Variants in RARB observed in about 807,000 individuals in gnomAD.
The protein encoded by RARB is retinoic acid receptor beta.
A neutral mutation model predicts 51.9 loss-of-function variants in RARB; 17 were observed. The ratio of observed to expected loss-of-function variants is 0.33; its 90% CI spans 0.22 to 0.49. The LOEUF (loss-of-function observed/expected upper bound fraction) is 0.49. RARB is among the 20% of genes least tolerant of loss of function. The pLI is 0.99. For missense variants in RARB, 369 were observed against 550.8 expected (o/e 0.67, Z 3.30); for synonymous variants, 215 against 195.4 (o/e 1.10, Z -0.84).
intron 5 of RARB, among the ~76,000 whole-genome samples, chr3:25,417,667 A>C (rs1202556406): frequency 2.0e-5 from 3 of 152,226 alleles, no homozygotes; most frequent in Non-Finnish European, 2.9e-5. Context: ...TAAATTGCCC[A>C]GTCTCAGGTA....
intron 5 of RARB, among the ~76,000 whole-genome samples, chr3:25,275,071 T>C (rs1318268380): frequency 6.6e-6 from 1 of 152,202 alleles, no homozygotes; most frequent in Non-Finnish European, 1.5e-5. Flanking sequence ...GGCCCCATGC[T>C]CTTATGTGCT....
At chr3:25,393,369 T>C (rs900139420) in intron 5 of RARB, among the ~76,000 whole-genome samples, 4 of 151,952 alleles carry the variant, frequency 2.6e-5, no homozygotes, top group African/African-American at 9.7e-5. Flanking sequence ...TTATGTCCTT[T>C]ACTGGTTTGG....
intron 5 of RARB, among the ~76,000 whole-genome samples, chr3:25,198,727 A>G (rs1701309143): frequency 6.6e-6 from 1 of 152,152 alleles, no homozygotes; most frequent in South Asian, 2.1e-4. Context: ...TGCAAATCAA[A>G]ACTACAATGC....
chr3:24,951,421 A>G (rs935463835), intron 2 of RARB, among the ~76,000 whole-genome samples: 1 of 152,208 alleles, frequency 6.6e-6, no homozygotes, highest in Non-Finnish European at 1.5e-5. Context: ...GTCTTAGGGC[A>G]TCGGACACTC....
intron 5 of RARB, among the ~76,000 whole-genome samples, chr3:25,338,422 A>G (rs1705128489): frequency 6.6e-6 from 1 of 152,176 alleles, no homozygotes; most frequent in East Asian, 1.9e-4. Context: ...GTGAAGAGAA[A>G]CAGAGAGACA....
At chr3:25,195,475 G>A (rs1026841713) in intron 5 of RARB, among the ~76,000 whole-genome samples, 10 of 152,104 alleles carry the variant, frequency 6.6e-5, no homozygotes, top group Middle Eastern at 3.4e-3. Context: ...CGTGACGTCA[G>A]CTTGGAGATC....
intron 5 of RARB, among the ~76,000 whole-genome samples, chr3:25,285,853 C>T (rs1703637559): frequency 6.6e-6 from 1 of 152,182 alleles, no homozygotes; most frequent in Non-Finnish European, 1.5e-5. Flanking sequence ...ACTTGGCTTT[C>T]TCTTTCTCTG....
At position 24,990,161 on chromosome 3, in the gene RARB, C is replaced by CT. The variant is rs1254070475; in HGVS notation, c.-379-69957dup. On this transcript the variant is annotated intron_variant, in intron 2 of 11. Coordinates refer to the RARB transcript ENST00000383772. Reference sequence around the variant, plus strand: ...TTGTTATTTCACTATTGTTTATTTTCTTTTTTTCTTCTTCTTTTTTTATTA... The same window carrying CT: ...TTGTTATTTCACTATTGTTTATTTTCTTTTTTTTCTTCTTCTTTTTTTATTA... 4.0e-5 allele frequency among the ~76,000 whole-genome samples: 4 copies of CT among 100,284 alleles called. 1 individual carries two copies. The highest frequency in any genetic ancestry group is 7.9e-5 in the Non-Finnish European group (4 of 50,514). The allele number at this position is 100,284 out of a possible 152,430, so 65.8% of individuals were successfully genotyped here.
At position 24,930,338 on chromosome 3, in the gene RARB, C is replaced by T. The variant is rs115774310; in HGVS notation, c.-380+71586C>T. On this transcript the variant is annotated intron_variant, in intron 2 of 11. Transcript: ENST00000383772. ...GATGCATCCAGGGGCGTAAGCTTTA[C>T]CACCATTAACTGCGTTTGTGAGTGC... Among the ~76,000 whole-genome samples, 293 of 152,128 alleles carry T rather than the reference C, an allele frequency of 1.9e-3. 1 individual carries two copies. The highest frequency in any genetic ancestry group is 6.2e-3 in the African/African-American group (258 of 41,520).
chr3:24,987,685 A>G (rs1407333030), intron 2 of RARB, among the ~76,000 whole-genome samples: 1 of 152,224 alleles, frequency 6.6e-6, no homozygotes, highest in Non-Finnish European at 1.5e-5. Context: ...CCTGGTGGAA[A>G]AAGATGATTT....
At chr3:24,871,704 A>G (rs1702951635) in intron 2 of RARB, among the ~76,000 whole-genome samples, 1 of 152,172 alleles carries the variant, frequency 6.6e-6, no homozygotes, top group Non-Finnish European at 1.5e-5. Flanking sequence ...TCTCAAATTT[A>G]ACAAGTCTAA....
At chr3:25,037,435 T>A (rs1343150380) in intron 2 of RARB, among the ~76,000 whole-genome samples, 1 of 152,060 alleles carries the variant, frequency 6.6e-6, no homozygotes, top group African/African-American at 2.4e-5. Context: ...TCCCTGACTG[T>A]TTTGTTCACA....
chr3:25,018,562 G>A (rs753786590), intron 2 of RARB, among the ~76,000 whole-genome samples: 3 of 152,140 alleles, frequency 2.0e-5, no homozygotes, highest in Non-Finnish European at 2.9e-5. Context: ...ACTAATAATA[G>A]GCAACTGTTA....
At chr3:25,044,630 G>A (rs1698177974) in intron 2 of RARB, among the ~76,000 whole-genome samples, 1 of 152,166 alleles carries the variant, frequency 6.6e-6, no homozygotes, top group African/African-American at 2.4e-5. Context: ...AATATTTCTA[G>A]GGAAGTAAAT....
intron 5 of RARB, among the ~76,000 whole-genome samples, chr3:25,376,078 T>C (rs551893544): frequency 6.6e-6 from 1 of 152,360 alleles, no homozygotes; most frequent in South Asian, 2.1e-4. Flanking sequence ...AAATGTTAGC[T>C]CTTACAGTAT....
chr3:24,851,728 T>C lies in RARB; in HGVS notation c.-458-6946T>C, dbSNP rs532554374. The stretch of plus-strand genomic sequence containing the variant: ...TCAGCATTTTCATTGCTATGAAGTA[T>C]GTTTCATTTGAGCTTTGATTGTCAT... On this transcript the variant is annotated intron_variant, in intron 1 of 11. Coordinates refer to the RARB transcript ENST00000383772. Among the ~76,000 whole-genome samples, 3 of 152,352 alleles carry C rather than the reference T, an allele frequency of 2.0e-5. No individual in the cohort carries two copies. In the East Asian group the frequency reaches 5.8e-4, roughly 29 times the overall value.
intron 3 of RARB, among the ~76,000 whole-genome samples, chr3:25,537,281 G>C (rs1699180050): frequency 6.6e-6 from 1 of 152,240 alleles, no homozygotes; most frequent in South Asian, 2.1e-4. Context: ...TTAAGCTCAT[G>C]CCAAGCTAAT....
intron 2 of RARB, among the ~76,000 whole-genome samples, chr3:24,982,699 C>G: frequency 6.6e-6 from 1 of 152,360 alleles, no homozygotes; most frequent in East Asian, 1.9e-4. Context: ...AACTCTCCCT[C>G]TGCCTAGCTC....
At chr3:25,265,088 C>A (rs1227850269) in intron 5 of RARB, among the ~76,000 whole-genome samples, 4 of 152,102 alleles carry the variant, frequency 2.6e-5, no homozygotes, top group Admixed American at 2.6e-4. Flanking sequence ...TCTTGGACTG[C>A]CCAGAAAACT....
Sources: allele counts gnomAD v4.1 joint callset (sites outside exome capture counted in the v4.1 genomes callset), GRCh38; gene constraint gnomAD v4.1.1; transcripts MANE v1.5; gene names NCBI Gene and HGNC (gene_info 2026-07-23, HGNC 2026-07-21).